The following NRG3 variants were observed in gnomAD, a reference collection of about 807,000 sequenced individuals.
NRG3 encodes the protein pro-neuregulin-3, membrane-bound isoform.
NRG3 carries 31 observed loss-of-function variants against 66.9 expected under a neutral mutation model. That is an observed-to-expected ratio of 0.46 (90% confidence interval 0.35 to 0.63). The LOEUF (loss-of-function observed/expected upper bound fraction) is 0.63. Among genes scored for constraint, NRG3 ranks in the 20% least tolerant of loss-of-function variants. NRG3 has a pLI of 0.00. For missense variants in NRG3, 910 were observed against 878.9 expected (o/e 1.04, Z -0.45); for synonymous variants, 393 against 359.4 (o/e 1.09, Z -1.06).
At chr10:82,838,879 A>G (rs764750700) in intron 3 of NRG3, among the ~76,000 whole-genome samples, 11 of 152,144 alleles carry the variant, frequency 7.2e-5, no homozygotes, top group Non-Finnish European at 1.2e-4. Flanking sequence ...TCACAGTTCC[A>G]CATGGCTGGG....
intron 2 of NRG3, among the ~76,000 whole-genome samples, chr10:82,514,532 C>A (rs959276975): frequency 6.6e-6 from 1 of 152,006 alleles, no homozygotes; most frequent in Non-Finnish European, 1.5e-5. Flanking sequence ...ATATTCTGTT[C>A]CATTGGTCTA....
intron 2 of NRG3, among the ~76,000 whole-genome samples, chr10:82,453,575 A>G (rs1168072605): frequency 6.6e-6 from 1 of 152,128 alleles, no homozygotes; most frequent in African/African-American, 2.4e-5. Context: ...CAATAGCTTT[A>G]TGTAGAGAGA....
At chr10:82,485,260 T>G (rs1352839489) in intron 2 of NRG3, among the ~76,000 whole-genome samples, 3 of 152,008 alleles carry the variant, frequency 2.0e-5, no homozygotes, top group Non-Finnish European at 2.9e-5. Flanking sequence ...AATTCAAAGA[T>G]GAGCTGATTT....
intron 1 of NRG3, among the ~76,000 whole-genome samples, chr10:82,243,296 A>G (rs1338876408): frequency 2.6e-5 from 4 of 152,374 alleles, no homozygotes; most frequent in East Asian, 3.9e-4. Context: ...AAATGCAAAC[A>G]TATTGGAAAC....
chr10:82,760,048 G>T (rs2059240464), intron 3 of NRG3, among the ~76,000 whole-genome samples: 1 of 152,080 alleles, frequency 6.6e-6, no homozygotes. Context: ...TTTTATCAGA[G>T]GATTAGGGTA....
intron 2 of NRG3, among the ~76,000 whole-genome samples, chr10:82,468,815 G>A (rs1436738434): frequency 6.6e-6 from 1 of 151,998 alleles, no homozygotes; most frequent in Non-Finnish European, 1.5e-5. Flanking sequence ...GTGGTCATGG[G>A]GAAGGATGGG....
intron 4 of NRG3, among the ~76,000 whole-genome samples, chr10:82,889,756 G>T (rs2136113070): frequency 6.6e-6 from 1 of 152,292 alleles, no homozygotes; most frequent in Middle Eastern, 3.4e-3. Flanking sequence ...CCTTTCCTGG[G>T]CTTGAAGGTG....
At chr10:82,460,571 A>G (rs549517935) in intron 2 of NRG3, among the ~76,000 whole-genome samples, 1 of 152,316 alleles carries the variant, frequency 6.6e-6, no homozygotes, top group East Asian at 1.9e-4. Flanking sequence ...GGTGCAGGAA[A>G]AAACTGAGAT....
Position 82,861,083 on chromosome 10 carries a change from C to G in NRG3, c.1028-4328C>G, listed in dbSNP as rs1175744996. On this transcript the variant is annotated intron_variant, in intron 3 of 8. Coordinates refer to ENST00000372141, the MANE Select transcript of NRG3 (RefSeq NM_001010848.4). ...ATATGAACCAAATCCTGTCTTAAAC[C>G]CTGCAGTAATGATCACGGTGTTTAA... is the stretch of plus-strand genomic sequence containing the variant. Among the ~76,000 whole-genome samples, 3 of 151,754 alleles carry G rather than the reference C, an allele frequency of 2.0e-5. No homozygotes were observed. The East Asian group carries it at 5.8e-4, about 29-fold the overall frequency.
At chr10:82,660,153 G>T (rs2052215300) in intron 2 of NRG3, among the ~76,000 whole-genome samples, 1 of 126,212 alleles carries the variant, frequency 7.9e-6, no homozygotes, top group South Asian at 2.6e-4. Context: ...CTGAGACCGG[G>T]ACATTGCACT....
chr10:82,716,244 G>A (rs2056964644), intron 2 of NRG3, among the ~76,000 whole-genome samples: 1 of 152,076 alleles, frequency 6.6e-6, no homozygotes, highest in African/African-American at 2.4e-5. Context: ...TTAATATTCA[G>A]GTAAGTTTTT....
chr10:81,967,851 G>A (rs1400862119), intron 1 of NRG3, among the ~76,000 whole-genome samples: 6 of 152,116 alleles, frequency 3.9e-5, no homozygotes, highest in African/African-American at 1.4e-4. Context: ...ATGGCTGTAT[G>A]CTTAAATTTC....
intron 1 of NRG3, among the ~76,000 whole-genome samples, chr10:82,157,817 T>A (rs544728438): frequency 6.6e-6 from 1 of 151,820 alleles, no homozygotes; most frequent in South Asian, 2.1e-4. Flanking sequence ...ATCAAGAGTC[T>A]ATCTTTTAGG....
chr10:82,162,581 A>G (rs1390291744), intron 1 of NRG3, among the ~76,000 whole-genome samples: 1 of 152,166 alleles, frequency 6.6e-6, no homozygotes, highest in Non-Finnish European at 1.5e-5. Flanking sequence ...TCACTAAGTT[A>G]TTGGCTGCCC....
intron 1 of NRG3, among the ~76,000 whole-genome samples, chr10:82,234,847 T>A (rs2076677343): frequency 6.6e-6 from 1 of 152,232 alleles, no homozygotes; most frequent in Non-Finnish European, 1.5e-5. Context: ...CTGCCATGGT[T>A]GTGACCATGC....
chr10:81,956,628 A>T (rs1310461982), intron 1 of NRG3, among the ~76,000 whole-genome samples: 2 of 152,250 alleles, frequency 1.3e-5, no homozygotes, highest in Middle Eastern at 3.4e-3. Flanking sequence ...GCTGGTCCTG[A>T]ACACCATCAC....
intron 6 of NRG3, among the ~76,000 whole-genome samples, chr10:82,970,890 G>C (rs1180555641): frequency 1.3e-5 from 2 of 152,078 alleles, no homozygotes; most frequent in African/African-American, 4.8e-5. Context: ...GTGTTAGTCT[G>C]TTTGCCTTGT....
At chr10:81,876,813 T>C (rs1007906) in intron 1 of NRG3, among the ~76,000 whole-genome samples, 49,076 of 151,872 alleles carry the variant, frequency 0.32, 11,160 homozygotes, top group African/African-American at 0.61. Context: ...CTAGCCTGCC[T>C]GTGGCCATTC....
At chr10:82,489,616 G>C (rs935307120) in intron 2 of NRG3, among the ~76,000 whole-genome samples, 1 of 152,146 alleles carries the variant, frequency 6.6e-6, no homozygotes, top group Non-Finnish European at 1.5e-5. Flanking sequence ...TCATCAAAGA[G>C]CATGCCTGTT....
Sources: allele counts gnomAD v4.1 joint callset (sites outside exome capture counted in the v4.1 genomes callset), GRCh38; gene constraint gnomAD v4.1.1; transcripts MANE v1.5; gene names NCBI Gene and HGNC (gene_info 2026-07-23, HGNC 2026-07-21).